Variants in KCNQ1OT1 observed in about 807,000 individuals in gnomAD.
KCNQ1OT1 encodes the protein KCNQ1 antisense RNA 2 (non-protein coding).
At position 2,612,155 on chromosome 11, in the gene KCNQ1OT1, G is replaced by A. The variant is rs1848987621; in HGVS notation, n.87840C>T. Reference sequence around the variant, plus strand: ...CCAGTCTGTGGCCTATTAGAAACTGGGCTACACAGCAGGAGGTGAGCAGCA... The same window carrying A: ...CCAGTCTGTGGCCTATTAGAAACTGAGCTACACAGCAGGAGGTGAGCAGCA... On this transcript the variant is annotated non_coding_transcript_exon_variant, in exon 1 of 1. Transcript: ENST00000597346. This position sits in a 1 kb window ranked among gnomAD's most constrained non-coding sequence, Gnocchi z 5.5. The A allele has an allele frequency of 2.5e-6, 1 of 398,514 alleles. No individual in the cohort carries two copies. Among genetic ancestry groups the A allele is most frequent in the East Asian group, 3.6e-5 (1 of 28,096 alleles). 24.7% of individuals were successfully genotyped at this position (398,514 alleles called of 1,614,324 possible).
At chr11:2,648,682 G>T (rs1849705098) in exon 1 of KCNQ1OT1, 1 of 398,450 alleles carries the variant, frequency 2.5e-6, no homozygotes, top group Non-Finnish European at 4.4e-6. Context: ...GACCCGTTTT[G>T]TGTCCTAACA....
chr11:2,666,548 C>T (rs997969796), exon 1 of KCNQ1OT1: 1 of 398,550 alleles, frequency 2.5e-6, no homozygotes, highest in African/African-American at 2.1e-5. Context: ...ACTAATGTCT[C>T]CTGAATTCTG....
rs1465833912 is a variant in KCNQ1OT1 at position 2,626,315 on chromosome 11, T to C, written n.73680A>G. On this transcript the variant is annotated non_coding_transcript_exon_variant, in exon 1 of 1. Transcript: ENST00000597346. The surrounding 1 kb of genome is among the most constrained non-coding windows in gnomAD (Gnocchi z 4.0). ...TCATTCTCTTGAGTTAATTTTTGTG[T>C]ATGGTATTAGGTAAGGGTCTCAACT... The C allele has an allele frequency of 2.5e-5, 10 of 398,454 alleles. No homozygotes were observed. Among genetic ancestry groups the C allele is most frequent in the Non-Finnish European group, 3.1e-5 (7 of 226,070 alleles). 24.7% of individuals were successfully genotyped at this position (398,454 alleles called of 1,614,324 possible).
exon 1 of KCNQ1OT1, chr11:2,689,757 C>T (rs1850558346): frequency 2.5e-6 from 1 of 398,690 alleles, no homozygotes; most frequent in Non-Finnish European, 4.4e-6. Flanking sequence ...TTACAGGAGA[C>T]TGATGGGTTC....
exon 1 of KCNQ1OT1, chr11:2,630,200 A>G (rs1849330898): frequency 2.5e-6 from 1 of 398,298 alleles, no homozygotes; most frequent in Non-Finnish European, 4.4e-6. Flanking sequence ...CTTTGATTTT[A>G]TTAAAGTATC....
chr11:2,650,393 A>T (rs1032503615), exon 1 of KCNQ1OT1: 2 of 398,388 alleles, frequency 5.0e-6, no homozygotes, highest in Non-Finnish European at 4.4e-6. Context: ...TTCCAATTTT[A>T]TGGAGTAGCC....
chr11:2,642,747 G>A lies in KCNQ1OT1; in HGVS notation n.57248C>T, dbSNP rs1849599550. 5.0e-6 allele frequency: 2 copies of A among 397,608 alleles called. No individual in the cohort carries two copies. The highest frequency in any genetic ancestry group is 8.9e-6 in the Non-Finnish European group (2 of 225,628). 24.6% of individuals were successfully genotyped at this position (397,608 alleles called of 1,614,324 possible). ...TCTTGCTTTTCTGGTTCCTTCAGGT[G>A]TATCATTAGATTATTTAAGATCTTT... On this transcript the variant is annotated non_coding_transcript_exon_variant, in exon 1 of 1. Coordinates refer to ENST00000597346, the Ensembl canonical transcript of KCNQ1OT1. The surrounding 1 kb of genome is among the most constrained non-coding windows in gnomAD (Gnocchi z 4.3).
Position 2,633,864 on chromosome 11 carries a change from C to T in KCNQ1OT1, n.66131G>A. ...GTCAGCCCTGTGTAATGCGCATATACAAAATGTCAGTCATCTGTATACATA... is the reference window on the plus strand; with the variant it reads ...GTCAGCCCTGTGTAATGCGCATATATAAAATGTCAGTCATCTGTATACATA... On this transcript the variant is annotated non_coding_transcript_exon_variant, in exon 1 of 1. Coordinates refer to ENST00000597346, the Ensembl canonical transcript of KCNQ1OT1. 6 of 398,572 alleles carry T rather than the reference C, an allele frequency of 1.5e-5. 1 individual carries two copies. The highest frequency in any genetic ancestry group is 2.7e-5 in the Non-Finnish European group (6 of 226,054). The allele number at this position is 398,572 out of a possible 1,614,324, so 24.7% of individuals were successfully genotyped here. A position where few individuals can be genotyped will look rare whatever the true frequency, so the allele number is the denominator to read the frequency against.
chr11:2,680,306 G>GAATT (rs763707131), exon 1 of KCNQ1OT1: 11 of 367,466 alleles, frequency 3.0e-5, no homozygotes, highest in Admixed American at 5.3e-5. Flanking sequence ...AACTGATGAA[G>GAATT]AATTGCCTTC....
chr11:2,683,532 C>A lies in KCNQ1OT1; in HGVS notation n.16463G>T, dbSNP rs1564857070. 2 of 398,486 alleles carry A rather than the reference C, an allele frequency of 5.0e-6. No individual in the cohort carries two copies. The highest frequency in any genetic ancestry group is 8.8e-6 in the Non-Finnish European group (2 of 226,064). 24.7% of individuals were successfully genotyped at this position (398,486 alleles called of 1,614,324 possible). A position where few individuals can be genotyped will look rare whatever the true frequency, so the allele number is the denominator to read the frequency against. On this transcript the variant is annotated non_coding_transcript_exon_variant, in exon 1 of 1. Coordinates refer to ENST00000597346, the Ensembl canonical transcript of KCNQ1OT1. This position sits in a 1 kb window ranked among gnomAD's most constrained non-coding sequence, Gnocchi z 4.7. ...AGAGCTTAGTTCAGAGTAAACATTTCTAAAAAAGAGGTAGAAGCCCCTACC... is the reference window on the plus strand; with the variant it reads ...AGAGCTTAGTTCAGAGTAAACATTTATAAAAAAGAGGTAGAAGCCCCTACC...
chr11:2,691,353 C>G lies in KCNQ1OT1; in HGVS notation n.8642G>C, dbSNP rs894183690. On this transcript the variant is annotated non_coding_transcript_exon_variant, in exon 1 of 1. Coordinates refer to ENST00000597346, the Ensembl canonical transcript of KCNQ1OT1. This position sits in a 1 kb window ranked among gnomAD's most constrained non-coding sequence, Gnocchi z 6.4. The stretch of plus-strand genomic sequence containing the variant: ...CACTGCACTTACAGTGACCACCCAT[C>G]CTGACATCTTGGGCTCAGGCCTCTG... The G allele has an allele frequency of 2.5e-6, 1 of 398,520 alleles. No homozygotes were observed. The highest frequency in any genetic ancestry group is 2.1e-5 in the African/African-American group (1 of 48,630). The allele number at this position is 398,520 out of a possible 1,614,324, so 24.7% of individuals were successfully genotyped here.
rs902108386 is a variant in KCNQ1OT1 at position 2,658,058 on chromosome 11, C to T, written n.41937G>A. 1 of 398,444 alleles carries T rather than the reference C, an allele frequency of 2.5e-6. No individual in the cohort carries two copies. The highest frequency in any genetic ancestry group is 4.4e-6 in the Non-Finnish European group (1 of 226,060). The allele number at this position is 398,444 out of a possible 1,614,324, so 24.7% of individuals were successfully genotyped here. On this transcript the variant is annotated non_coding_transcript_exon_variant, in exon 1 of 1. Transcript: ENST00000597346. The surrounding 1 kb of genome is among the most constrained non-coding windows in gnomAD (Gnocchi z 4.9). ...GAAGCGAGTCACTAAGTATAGCCCA[C>T]ACTCAAGGTGGGGAAGGGAGGGGTT...
Position 2,674,264 on chromosome 11 carries a change from C to T in KCNQ1OT1, n.25731G>A. On this transcript the variant is annotated non_coding_transcript_exon_variant, in exon 1 of 1. Coordinates refer to ENST00000597346, the Ensembl canonical transcript of KCNQ1OT1. This position sits in a 1 kb window ranked among gnomAD's most constrained non-coding sequence, Gnocchi z 5.9. The stretch of plus-strand genomic sequence containing the variant: ...AGCTGGAGGCCCCTCTCTCCCAGCC[C>T]CCGGCACACACACTAGGACCTTTCT... 2 of 398,652 alleles carry T rather than the reference C, an allele frequency of 5.0e-6. No homozygotes were observed. The highest frequency in any genetic ancestry group is 3.6e-5 in the East Asian group (1 of 28,058). The allele number at this position is 398,652 out of a possible 1,614,324, so 24.7% of individuals were successfully genotyped here. A position where few individuals can be genotyped will look rare whatever the true frequency, so the allele number is the denominator to read the frequency against.
Position 2,654,590 on chromosome 11 carries a change from G to C in KCNQ1OT1, n.45405C>G, listed in dbSNP as rs372321705. On this transcript the variant is annotated non_coding_transcript_exon_variant, in exon 1 of 1. Transcript: ENST00000597346. This position sits in a 1 kb window ranked among gnomAD's most constrained non-coding sequence, Gnocchi z 6.4. ...TAATCAATCAGGAGGGGAAGGGCAG[G>C]GGGTGAGTGGTTGGGTGAAGTTACT... The C allele has an allele frequency of 2.5e-6, 1 of 398,812 alleles. No individual in the cohort carries two copies. The highest frequency in any genetic ancestry group is 2.1e-5 in the African/African-American group (1 of 48,732). 24.7% of individuals were successfully genotyped at this position (398,812 alleles called of 1,614,324 possible). A position where few individuals can be genotyped will look rare whatever the true frequency, so the allele number is the denominator to read the frequency against.
rs1374145777 is a variant in KCNQ1OT1 at position 2,661,010 on chromosome 11, C to G, written n.38985G>C. The G allele has an allele frequency of 2.5e-6, 1 of 398,406 alleles. No homozygotes were observed. Among genetic ancestry groups the G allele is most frequent in the African/African-American group, 2.1e-5 (1 of 48,598 alleles). 24.7% of individuals were successfully genotyped at this position (398,406 alleles called of 1,614,324 possible). ...ATGACTAAAATAATTAAATCCATGC[C>G]TATATACCTAGAGAAAAATGAAATG... On this transcript the variant is annotated non_coding_transcript_exon_variant, in exon 1 of 1. Transcript: ENST00000597346. This position sits in a 1 kb window ranked among gnomAD's most constrained non-coding sequence, Gnocchi z 5.9.
chr11:2,664,636 C>A lies in KCNQ1OT1; in HGVS notation n.35359G>T. 2.5e-6 allele frequency: 1 copy of A among 398,728 alleles called. No individual in the cohort carries two copies. The highest frequency in any genetic ancestry group is 1.3e-4 in the South Asian group (1 of 7,852). 24.7% of individuals were successfully genotyped at this position (398,728 alleles called of 1,614,324 possible). On this transcript the variant is annotated non_coding_transcript_exon_variant, in exon 1 of 1. Coordinates refer to ENST00000597346, the Ensembl canonical transcript of KCNQ1OT1. The surrounding 1 kb of genome is among the most constrained non-coding windows in gnomAD (Gnocchi z 5.1). ...GCCCAGTGATGCCCATAATTAAATT[C>A]GGCTCCAGCTGCTCAGGGATGCAGC...
At chr11:2,610,887 A>G (rs1005184717) in exon 1 of KCNQ1OT1, 3 of 397,920 alleles carry the variant, frequency 7.5e-6, no homozygotes, top group African/African-American at 6.2e-5. Flanking sequence ...ACCTCCCACC[A>G]TTTCATCCAA....
exon 1 of KCNQ1OT1, chr11:2,622,162 T>C (rs1849183939): frequency 2.5e-6 from 1 of 398,258 alleles, no homozygotes. Flanking sequence ...TTGAAGTCCC[T>C]AAGTATTATT....
exon 1 of KCNQ1OT1, chr11:2,646,681 C>A (rs1015443017): frequency 2.5e-6 from 1 of 398,482 alleles, no homozygotes; most frequent in Non-Finnish European, 4.4e-6. Flanking sequence ...CAGGCCACCA[C>A]GCCCAGCTCA....
Sources: allele counts gnomAD v4.1 joint callset, GRCh38; gene constraint gnomAD v4.1.1; non-coding constraint Gnocchi (gnomAD v3.1); transcripts MANE v1.5; gene names NCBI Gene and HGNC (gene_info 2026-07-23, HGNC 2026-07-21).